RHAG: variants seen among roughly 807,000 people sequenced by gnomAD.
RHAG encodes the protein Rh associated glycoprotein.
Under a neutral mutation model 42.4 loss-of-function variants are expected in RHAG, and 25 were observed. The ratio of observed to expected loss-of-function variants is 0.59; its 90% CI spans 0.43 to 0.82. RHAG has a LOEUF of 0.82. RHAG is among the 40% of genes least tolerant of loss of function. The pLI is 0.00. For synonymous variants in RHAG, 182 were observed against 177.7 expected, an observed-to-expected ratio of 1.02 and a Z score of -0.19; for missense variants, 483 against 504.6, an observed-to-expected ratio of 0.96 and a Z score of 0.41.
chr6:49,610,799 A>G (rs1169095831), intron 7 of RHAG, among the ~76,000 whole-genome samples: 1 of 152,242 alleles, frequency 6.6e-6, no homozygotes, highest in African/African-American at 2.4e-5. Context: ...TGGTAAAGAC[A>G]TTTAAAATAA....
intron 7 of RHAG, among the ~76,000 whole-genome samples, chr6:49,610,059 G>A (rs143368874): frequency 6.5e-4 from 98 of 151,906 alleles, no homozygotes; most frequent in African/African-American, 2.3e-3. Context: ...TCACACAGCC[G>A]GACCTGATGG....
At chr6:49,631,266 G>A (rs979992650) in intron 1 of RHAG, among the ~76,000 whole-genome samples, 6 of 152,152 alleles carry the variant, frequency 3.9e-5, no homozygotes, top group African/African-American at 1.4e-4. Context: ...TGAATGCCAT[G>A]TTATCCAATA....
chr6:49,605,599 C>A lies in RHAG; in HGVS notation c.*214G>T. 1 of 648,698 alleles carries A rather than the reference C, an allele frequency of 1.5e-6. No individual in the cohort carries two copies. The highest frequency in any genetic ancestry group is 2.8e-6 in the Non-Finnish European group (1 of 352,040). 40.2% of individuals were successfully genotyped at this position (648,698 alleles called of 1,614,324 possible). On this transcript the variant is annotated 3_prime_UTR_variant, in exon 10 of 10. Transcript: ENST00000371175. ...ATCCCCTCAATTAATCATTGAAGAG[C>A]AAGAGACAGCATCAGACATAAGGAC...
intron 1 of RHAG, among the ~76,000 whole-genome samples, chr6:49,621,382 C>T (rs1469639812): frequency 6.6e-6 from 1 of 152,160 alleles, no homozygotes; most frequent in African/African-American, 2.4e-5. Context: ...TGAGCAACCG[C>T]TTGTCTCAGA....
At chr6:49,617,333 A>G (rs1285316641) in intron 3 of RHAG, among the ~76,000 whole-genome samples, 1 of 151,878 alleles carries the variant, frequency 6.6e-6, no homozygotes, top group Admixed American at 6.6e-5. Context: ...TACCCTACAT[A>G]TTTTTCATAG....
Position 49,605,773 on chromosome 6 carries a change from G to C in RHAG, c.*40C>G. 6.3e-6 allele frequency: 10 copies of C among 1,595,468 alleles called. No homozygotes were observed. The highest frequency in any genetic ancestry group is 5.2e-6 in the Non-Finnish European group (6 of 1,163,074). ...AATGGTGTTTAGACTTCAGGTTCCA[G>C]CTGGCTGTGGTCACCATGTCCATGG... On this transcript the variant is annotated 3_prime_UTR_variant, in exon 10 of 10. Transcript: ENST00000371175.
chr6:49,636,226 C>T (rs1323000157), intron 1 of RHAG, among the ~76,000 whole-genome samples: 1 of 152,004 alleles, frequency 6.6e-6, no homozygotes, highest in African/African-American at 2.4e-5. Context: ...CCTTCTTATT[C>T]CTTAGGGTCC....
intron 5 of RHAG, among the ~76,000 whole-genome samples, chr6:49,614,185 T>C (rs1762611800): frequency 6.6e-6 from 1 of 151,738 alleles, no homozygotes; most frequent in African/African-American, 2.4e-5. Flanking sequence ...ACAAAAATTT[T>C]TTTTTTCTTT....
intron 5 of RHAG, among the ~76,000 whole-genome samples, chr6:49,613,991 G>A (rs906124128): frequency 6.6e-6 from 1 of 152,074 alleles, no homozygotes; most frequent in Non-Finnish European, 1.5e-5. Flanking sequence ...GAATCAGTGT[G>A]CATCATCCCA....
In RHAG at chr6:49,611,101, G is replaced by T; in HGVS notation, c.990C>A (p.Val330=). ...TKLRIHDTCG[V]HNLHGLPGVV... is the part of the protein sequence containing the mutation. ...CACCAGGTAAGCCGTGGAGGTTATG[G>T]ACCCCACATGTATCATGGATCCTCA... The change falls in exon 7 of 10, where the codon GTC becomes GTA. Residue 330 remains valine, a synonymous_variant. Coordinates refer to ENST00000371175, the MANE Select transcript of RHAG (RefSeq NM_000324.3). 1 of 1,613,658 alleles carries T rather than the reference G, an allele frequency of 6.2e-7. No individual in the cohort carries two copies. Among genetic ancestry groups the T allele is most frequent in the Admixed American group, 1.7e-5 (1 of 60,014 alleles).
chr6:49,612,832 G>GT (rs1381241124), intron 5 of RHAG, among the ~76,000 whole-genome samples: 1 of 152,142 alleles, frequency 6.6e-6, no homozygotes, highest in Admixed American at 6.6e-5. Context: ...GGGTAGGAGT[G>GT]TTTAGAGCAA....
chr6:49,629,916 C>T (rs566310034), intron 1 of RHAG, among the ~76,000 whole-genome samples: 1 of 152,308 alleles, frequency 6.6e-6, no homozygotes, highest in Admixed American at 6.5e-5. Flanking sequence ...CCCCGGTTCC[C>T]GCTCGCGCCT....
intron 7 of RHAG, among the ~76,000 whole-genome samples, chr6:49,610,019 T>TGAGAACACATGGACACAGGGAG (rs1168961946): frequency 2.0e-5 from 3 of 150,926 alleles, no homozygotes; most frequent in Non-Finnish European, 4.4e-5. Context: ...AGTTGAACAG[T>TGAGAACACATGGACACAGGGAG]GAGAACACAT....
chr6:49,619,106 A>G, intron 2 of RHAG, 73 bp downstream of exon 2: 1 of 1,509,184 alleles, frequency 6.6e-7, no homozygotes, highest in Non-Finnish European at 9.2e-7. Context: ...TAATATCATC[A>G]TGTTGGAGGT....
intron 1 of RHAG, among the ~76,000 whole-genome samples, chr6:49,621,664 C>A (rs774042566): frequency 6.6e-6 from 1 of 152,066 alleles, no homozygotes; most frequent in Non-Finnish European, 1.5e-5. Context: ...TGATTTGTCA[C>A]CCACCATTTA....
intron 3 of RHAG, among the ~76,000 whole-genome samples, chr6:49,617,021 CAA>C (rs1762668485): frequency 6.6e-6 from 1 of 152,168 alleles, no homozygotes; most frequent in Non-Finnish European, 1.5e-5. Context: ...TTGGGACCAT[CAA>C]ATAAGTCTTC....
At chr6:49,610,341 G>T (rs984890877) in intron 7 of RHAG, among the ~76,000 whole-genome samples, 1 of 152,130 alleles carries the variant, frequency 6.6e-6, no homozygotes, top group African/African-American at 2.4e-5. Flanking sequence ...ATACCAAATT[G>T]TTCCAATATT....
chr6:49,629,405 G>T (rs920292501), intron 1 of RHAG, among the ~76,000 whole-genome samples: 1 of 152,112 alleles, frequency 6.6e-6, no homozygotes, highest in African/African-American at 2.4e-5. Flanking sequence ...ACAGAGTGCC[G>T]GTTGGTGTAT....
rs1277820722 is a variant in RHAG, at chr6:49,619,352, A to G, written c.168T>C (p.Asp56=). Residue 56 remains aspartate (D), a synonymous_variant, in exon 2 of 10, where the codon GAT becomes GAC. Transcript: ENST00000371175. ...IFFELYPLFQ[D]VHVMIFVGFG... ...ACCCAACAAATATCATAACATGTACATCTTGGAACACTGGAAAAGAGGAAA... is the reference window on the plus strand; with the variant it reads ...ACCCAACAAATATCATAACATGTACGTCTTGGAACACTGGAAAAGAGGAAA... 1.9e-6 allele frequency: 3 copies of G among 1,613,960 alleles called. No homozygotes were observed. The highest frequency in any genetic ancestry group is 1.7e-6 in the Non-Finnish European group (2 of 1,179,936).
Sources: allele counts gnomAD v4.1 joint callset (sites outside exome capture counted in the v4.1 genomes callset), GRCh38; gene constraint gnomAD v4.1.1; transcripts MANE v1.5; gene names NCBI Gene and HGNC (gene_info 2026-07-23, HGNC 2026-07-21).